RUNDC3B: variants seen among roughly 807,000 people sequenced by gnomAD.
RUNDC3B encodes RUN domain containing 3B.
RUNDC3B carries 33 observed loss-of-function variants against 58.4 expected under a neutral mutation model. The observed-to-expected ratio is 0.56, with a 90% CI of 0.43 to 0.75. RUNDC3B has a LOEUF of 0.75. Among genes scored for constraint, RUNDC3B ranks in the 30% least tolerant of loss-of-function variants. RUNDC3B has a pLI of 0.00. For synonymous variants in RUNDC3B, 193 were observed against 195.2 expected, an observed-to-expected ratio of 0.99 and a Z score of 0.10; for missense variants, 501 against 535.7, an observed-to-expected ratio of 0.94 and a Z score of 0.64.
At chr7:87,799,840 C>A (rs1044784706) in intron 8 of RUNDC3B, among the ~76,000 whole-genome samples, 1 of 146,158 alleles carries the variant, frequency 6.8e-6, no homozygotes, top group South Asian at 2.2e-4. Context: ...GAGCCAAGAT[C>A]GTGCCACTGC....
chr7:87,730,988 G>T (rs982745822), intron 4 of RUNDC3B, among the ~76,000 whole-genome samples: 1 of 152,108 alleles, frequency 6.6e-6, no homozygotes, highest in Non-Finnish European at 1.5e-5. Flanking sequence ...GTATAAGTCT[G>T]AAAGAGCCAC....
intron 4 of RUNDC3B, among the ~76,000 whole-genome samples, chr7:87,720,023 G>T (rs1830780303): frequency 6.8e-6 from 1 of 148,014 alleles, no homozygotes; most frequent in African/African-American, 2.5e-5. Flanking sequence ...GAAAAACTTT[G>T]CAAAGCAAAA....
intron 8 of RUNDC3B, among the ~76,000 whole-genome samples, chr7:87,790,746 A>T (rs1260034581): frequency 3.7e-4 from 57 of 152,094 alleles, no homozygotes; most frequent in Admixed American, 3.7e-3. Flanking sequence ...CAAGCAGAAG[A>T]AAGAATTAGT....
chr7:87,639,121 T>G (rs1427458844), intron 1 of RUNDC3B, among the ~76,000 whole-genome samples: 1 of 118,990 alleles, frequency 8.4e-6, no homozygotes, highest in East Asian at 2.8e-4. Flanking sequence ...ACCACTGCAC[T>G]CCAGCCTGGG....
At chr7:87,672,711 G>A (rs925306012) in intron 2 of RUNDC3B, among the ~76,000 whole-genome samples, 2 of 152,188 alleles carry the variant, frequency 1.3e-5, no homozygotes, top group Admixed American at 6.5e-5. Context: ...GGGTTCACAA[G>A]GAGATCTCCT....
rs3838254 is a variant in RUNDC3B, at chr7:87,649,121, TC to T, written c.123-1699del. ...CACTGTCTTAGGCACTCATATACCA[TC>T]CTTTATAGGATATTACTATAAAGAG... On this transcript the variant is annotated intron_variant, in intron 1 of 10. Coordinates refer to ENST00000394654, the MANE Select transcript of RUNDC3B (RefSeq NM_001134405.2). Among the ~76,000 whole-genome samples the T allele has an allele frequency of 7.6e-3, 1,158 of 152,258 alleles. 13 individuals are homozygous for T. The highest frequency in any genetic ancestry group is 0.05 in the East Asian group (257 of 5,182).
At chr7:87,816,979 G>A (rs1028287407) in intron 10 of RUNDC3B, among the ~76,000 whole-genome samples, 14 of 152,104 alleles carry the variant, frequency 9.2e-5, no homozygotes, top group Admixed American at 9.2e-4. Flanking sequence ...GAGTTCACTG[G>A]TATGATCTGG....
At chr7:87,694,971 G>C (rs762489806) in intron 2 of RUNDC3B, among the ~76,000 whole-genome samples, 1 of 152,094 alleles carries the variant, frequency 6.6e-6, no homozygotes, top group Non-Finnish European at 1.5e-5. Context: ...TAGTGAACTA[G>C]ACATTACATT....
chr7:87,736,877 ATATATATATATATTTTTTTTTTT>A (rs1344523953), intron 4 of RUNDC3B, among the ~76,000 whole-genome samples: 10 of 34,050 alleles, frequency 2.9e-4, no homozygotes, highest in African/African-American at 1.4e-3. Flanking sequence ...ATATATATAT[ATATATATATATATTTTTTTTTTT>A]TTTTTTTTTT....
At chr7:87,705,610 G>A (rs945249945) in intron 3 of RUNDC3B, among the ~76,000 whole-genome samples, 2 of 152,022 alleles carry the variant, frequency 1.3e-5, no homozygotes, top group African/African-American at 4.8e-5. Flanking sequence ...TATTATTTCT[G>A]TCATATGCAG....
At chr7:87,699,467 A>G (rs986609649) in intron 2 of RUNDC3B, among the ~76,000 whole-genome samples, 9 of 152,070 alleles carry the variant, frequency 5.9e-5, no homozygotes, top group African/African-American at 2.2e-4. Context: ...GCAGTGGCTC[A>G]ACCTCAGCTC....
intron 2 of RUNDC3B, 76 bp from the exon 3 acceptor site, chr7:87,700,345 T>C: frequency 7.9e-7 from 1 of 1,267,652 alleles, no homozygotes; most frequent in Non-Finnish European, 1.1e-6. Context: ...TTTTTCAGAA[T>C]TTTATTGTTC....
intron 6 of RUNDC3B, among the ~76,000 whole-genome samples, chr7:87,764,325 T>G (rs1399355119): frequency 6.6e-6 from 1 of 151,946 alleles, no homozygotes; most frequent in Non-Finnish European, 1.5e-5. Flanking sequence ...TTAACATGCT[T>G]ATTTAATTTA....
chr7:87,798,344 C>T (rs980317249), intron 8 of RUNDC3B, among the ~76,000 whole-genome samples: 1 of 152,184 alleles, frequency 6.6e-6, no homozygotes, highest in Non-Finnish European at 1.5e-5. Context: ...ATCCTGACCT[C>T]CCCATAGGTC....
At chr7:87,776,668 A>T (rs1028224673) in intron 7 of RUNDC3B, among the ~76,000 whole-genome samples, 1 of 152,046 alleles carries the variant, frequency 6.6e-6, no homozygotes, top group Non-Finnish European at 1.5e-5. Flanking sequence ...TATATTGTTT[A>T]TATTAAGCTG....
chr7:87,737,130 C>G (rs1832033215), intron 4 of RUNDC3B, among the ~76,000 whole-genome samples: 1 of 151,244 alleles, frequency 6.6e-6, no homozygotes, highest in African/African-American at 2.4e-5. Context: ...AACTCCTGGG[C>G]TCAAATGATC....
chr7:87,774,815 T>C (rs1206606142), intron 7 of RUNDC3B, among the ~76,000 whole-genome samples: 1 of 152,182 alleles, frequency 6.6e-6, no homozygotes. Context: ...CATAAGATTA[T>C]AATGGAGATG....
At chr7:87,640,951 G>A (rs73705288) in intron 1 of RUNDC3B, among the ~76,000 whole-genome samples, 6,480 of 151,972 alleles carry the variant, frequency 0.043, 460 homozygotes, top group African/African-American at 0.15. Context: ...CTCATCTCTT[G>A]AATGTATTAC....
chr7:87,706,057 T>A (rs1291708659), intron 3 of RUNDC3B, among the ~76,000 whole-genome samples: 1 of 152,226 alleles, frequency 6.6e-6, no homozygotes, highest in Non-Finnish European at 1.5e-5. Context: ...TTAGCTAGAT[T>A]TGGCTTTCTT....
Sources: allele counts gnomAD v4.1 joint callset (sites outside exome capture counted in the v4.1 genomes callset), GRCh38; gene constraint gnomAD v4.1.1; transcripts MANE v1.5; gene names NCBI Gene and HGNC (gene_info 2026-07-23, HGNC 2026-07-21).